TRPM3: variants seen among roughly 807,000 people sequenced by gnomAD.
TRPM3 encodes the protein long transient receptor potential channel 3.
A neutral mutation model predicts 181.2 loss-of-function variants in TRPM3; 77 were observed. That is an observed-to-expected ratio of 0.42 (90% CI 0.35 to 0.51). TRPM3 has a LOEUF of 0.51. Ranked by LOEUF, TRPM3 falls within the 20% of genes least tolerant of loss-of-function variation. The pLI is 0.01. For missense variants in TRPM3, 1,759 were observed against 2,196.7 expected (o/e 0.80, Z 3.98); for synonymous variants, 745 against 796.4 (o/e 0.94, Z 1.09).
At chr9:71,348,665 G>T (rs1331422565) in intron 1 of TRPM3, among the ~76,000 whole-genome samples, 1 of 151,846 alleles carries the variant, frequency 6.6e-6, no homozygotes, top group Non-Finnish European at 1.5e-5. Flanking sequence ...AGCCTCCTGG[G>T]TTCAAGCGAT....
In TRPM3 at chr9:71,421,458, T is replaced by C. The variant is rs953284957; in HGVS notation, c.183+25195A>G. On this transcript the variant is annotated intron_variant, in intron 1 of 24. Coordinates refer to the TRPM3 transcript ENST00000357533. The stretch of plus-strand genomic sequence containing the variant: ...ATTTACAAAGGTGTCCCTCCTCCTT[T>C]CTCTACCAGGAAAGAAAATGTTCCT... 2.6e-5 allele frequency among the ~76,000 whole-genome samples: 4 copies of C among 151,920 alleles called. No individual in the cohort carries two copies. In the South Asian group the frequency reaches 8.3e-4, roughly 31 times the overall value.
intron 1 of TRPM3, among the ~76,000 whole-genome samples, chr9:70,991,708 C>T (rs909049808): frequency 2.0e-5 from 3 of 152,100 alleles, no homozygotes; most frequent in African/African-American, 7.2e-5. Flanking sequence ...TAAATTTCTT[C>T]AGTTGCTCCA....
chr9:70,625,591 TC>T lies in TRPM3; in HGVS notation c.1633-75del. ...AATAATAGAAAATCAAAATATTTAT[TC>T]AAGTCTTCAGCTGGGGAGAAAAAAA... On this transcript the variant is annotated intron_variant, in intron 12 of 25. Transcript: ENST00000677713. The surrounding 1 kb of genome is among the most constrained non-coding windows in gnomAD (Gnocchi z 4.8). 6.7e-7 allele frequency: 1 copy of T among 1,489,620 alleles called. No homozygotes were observed. Among genetic ancestry groups the T allele is most frequent in the Admixed American group, 1.9e-5 (1 of 54,022 alleles). 92.3% of individuals were successfully genotyped at this position (1,489,620 alleles called of 1,614,324 possible).
intron 1 of TRPM3, among the ~76,000 whole-genome samples, chr9:71,055,333 C>T (rs560119528): frequency 1.3e-5 from 2 of 152,054 alleles, no homozygotes; most frequent in African/African-American, 4.8e-5. Flanking sequence ...AATGAAGAGG[C>T]TGTCTGAAGA....
At chr9:71,446,841 G>T, upstream of TRPM3, 1 of 1,535,730 alleles carries the variant, frequency 6.5e-7, no homozygotes, top group Non-Finnish European at 8.8e-7. Flanking sequence ...CCCATGAGAA[G>T]TTCGCCTCCC....
intron 1 of TRPM3, among the ~76,000 whole-genome samples, chr9:70,924,670 C>A (rs1211410536): frequency 6.6e-6 from 1 of 152,152 alleles, no homozygotes; most frequent in Non-Finnish European, 1.5e-5. Context: ...GAATACTCGT[C>A]AGGCCAGCTC....
Position 70,535,319 on chromosome 9 carries a change from G to C in TRPM3, c.*634C>G. 1 of 1,234,248 alleles carries C rather than the reference G, an allele frequency of 8.1e-7. No individual in the cohort carries two copies. The highest frequency in any genetic ancestry group is 1.3e-5 in the South Asian group (1 of 75,086). 76.5% of individuals were successfully genotyped at this position (1,234,248 alleles called of 1,614,324 possible). A position where few individuals can be genotyped will look rare whatever the true frequency, so the allele number is the denominator to read the frequency against. ...TGTGGCACCAGAAGTGAATAGATAAGAGACAGGTGAACTATGACTGTTACC... is the reference window on the plus strand; with the variant it reads ...TGTGGCACCAGAAGTGAATAGATAACAGACAGGTGAACTATGACTGTTACC... On this transcript the variant is annotated 3_prime_UTR_variant, in exon 26 of 26. Transcript: ENST00000677713.
At chr9:70,670,519 G>T (rs2062708179) in intron 9 of TRPM3, among the ~76,000 whole-genome samples, 1 of 152,132 alleles carries the variant, frequency 6.6e-6, no homozygotes, top group Non-Finnish European at 1.5e-5. Context: ...TTATTTTAAG[G>T]TAGCTTAGCA....
At chr9:71,228,695 A>G (rs1426384312) in intron 1 of TRPM3, among the ~76,000 whole-genome samples, 1 of 152,178 alleles carries the variant, frequency 6.6e-6, no homozygotes, top group Admixed American at 6.6e-5. Context: ...TGAAAGAAAT[A>G]AGAAAATAAT....
Position 71,279,054 on chromosome 9 carries a change from AATAAAAAT to A in TRPM3, c.183+167591_183+167598del, listed in dbSNP as rs1353760668. Among the ~76,000 whole-genome samples, 54 of 139,714 alleles carry A rather than the reference AATAAAAAT, an allele frequency of 3.9e-4. 10 individuals carry two copies. Among genetic ancestry groups the A allele is most frequent in the East Asian group, 8.0e-4 (4 of 4,994 alleles). The allele number at this position is 139,714 out of a possible 152,430, so 91.7% of individuals were successfully genotyped here. A position where few individuals can be genotyped will look rare whatever the true frequency, so the allele number is the denominator to read the frequency against. On this transcript the variant is annotated intron_variant, in intron 1 of 24. Coordinates refer to the TRPM3 transcript ENST00000357533. Reference sequence around the variant, plus strand: ...TTAGGTTAAAAAAAATAAAAATAAAAATAAAAATAAAAAAACCACCAACGACCATTTAT... The same window carrying A: ...TTAGGTTAAAAAAAATAAAAATAAAAAAAAAAACCACCAACGACCATTTAT...
At chr9:70,787,763 C>CTTTTTTTTTTTTTTTTTTTGT (rs2084049973) in intron 6 of TRPM3, among the ~76,000 whole-genome samples, 4 of 68,558 alleles carry the variant, frequency 5.8e-5, no homozygotes, top group African/African-American at 2.3e-4. Context: ...TTTTTGGATT[C>CTTTTTTTTTTTTTTTTTTTGT]TTTTTTTTTT....
chr9:70,945,901 G>A (rs572817869), intron 1 of TRPM3, among the ~76,000 whole-genome samples: 3 of 152,146 alleles, frequency 2.0e-5, no homozygotes, highest in African/African-American at 7.2e-5. Flanking sequence ...TGAGGACATT[G>A]GGTTTCATTG....
intron 12 of TRPM3, among the ~76,000 whole-genome samples, chr9:70,634,471 A>AAT (rs763297306): frequency 4.6e-5 from 7 of 152,220 alleles, no homozygotes; most frequent in African/African-American, 7.2e-5. Flanking sequence ...AAATGAATTA[A>AAT]GATGCACTGA....
intron 8 of TRPM3, among the ~76,000 whole-genome samples, chr9:70,746,468 G>C (rs868066235): frequency 1.3e-5 from 2 of 152,088 alleles, no homozygotes; most frequent in Non-Finnish European, 2.9e-5. Context: ...AGGTAGTGGA[G>C]TTGGCCTCCA....
intron 1 of TRPM3, among the ~76,000 whole-genome samples, chr9:70,926,404 C>A (rs920377888): frequency 1.3e-5 from 2 of 152,072 alleles, no homozygotes; most frequent in African/African-American, 4.8e-5. Flanking sequence ...AATGCATGAA[C>A]CCTTTTGTAT....
chr9:70,994,278 A>C (rs545106381), intron 1 of TRPM3, among the ~76,000 whole-genome samples: 1 of 152,278 alleles, frequency 6.6e-6, no homozygotes, highest in African/African-American at 2.4e-5. Context: ...AAAAATGCCC[A>C]AAATATGTTA....
chr9:71,330,374 T>A (rs1302852797), intron 1 of TRPM3, among the ~76,000 whole-genome samples: 1 of 151,852 alleles, frequency 6.6e-6, no homozygotes, highest in African/African-American at 2.4e-5. Context: ...ATAATCATTG[T>A]ATAGATTCAC....
intron 22 of TRPM3, among the ~76,000 whole-genome samples, chr9:70,567,780 A>C (rs2051025955): frequency 6.6e-6 from 1 of 152,236 alleles, no homozygotes; most frequent in South Asian, 2.1e-4. Context: ...CTGATAGGCC[A>C]GTATTCGTGG....
chr9:70,849,970 G>A (rs2132138576), intron 3 of TRPM3, among the ~76,000 whole-genome samples: 1 of 152,262 alleles, frequency 6.6e-6, no homozygotes, highest in East Asian at 1.9e-4. Context: ...TATGAAAGCA[G>A]CTTAATAAAA....
Sources: gnomAD v4.1 joint callset for allele counts (sites outside exome capture counted in the v4.1 genomes callset) on GRCh38, gnomAD v4.1.1 for gene constraint, Gnocchi (gnomAD v3.1) non-coding constraint, MANE v1.5 for transcripts, NCBI Gene and HGNC (gene_info 2026-07-23, HGNC 2026-07-21) for gene names.